HIVEP3: variants seen among roughly 807,000 people sequenced by gnomAD.
HIVEP3 encodes the protein transcription factor HIVEP3.
A neutral mutation model predicts 152.8 loss-of-function variants in HIVEP3; 49 were observed. The observed-to-expected ratio is 0.32, with a 90% CI of 0.26 to 0.41. The LOEUF (loss-of-function observed/expected upper bound fraction) is 0.41, where lower values mean the gene tolerates loss of function less well. HIVEP3 is among the 10% of genes least tolerant of loss of function. The pLI is 1.00. For missense variants in HIVEP3, 2,790 were observed against 3,103.3 expected (o/e 0.90, Z 2.40); for synonymous variants, 1,269 against 1,289.0 (o/e 0.98, Z 0.33).
chr1:41,638,046 G>A (rs1236607574), intron 2 of HIVEP3, among the ~76,000 whole-genome samples: 1 of 152,146 alleles, frequency 6.6e-6, no homozygotes, highest in Non-Finnish European at 1.5e-5. Context: ...GACGCTGGAG[G>A]CTCTGAAGTT....
intron 1 of HIVEP3, among the ~76,000 whole-genome samples, chr1:41,800,222 G>A (rs1650224616): frequency 6.6e-6 from 1 of 152,220 alleles, no homozygotes; most frequent in African/African-American, 2.4e-5. Context: ...CCTTTCATCA[G>A]GGGTGGAGTC....
chr1:41,694,461 G>C (rs938118895), intron 2 of HIVEP3, among the ~76,000 whole-genome samples: 2 of 152,212 alleles, frequency 1.3e-5, no homozygotes, highest in African/African-American at 4.8e-5. Flanking sequence ...GTGAATGAAT[G>C]AATGAACAAG....
chr1:41,517,545 A>G (rs1392214812), intron 7 of HIVEP3, among the ~76,000 whole-genome samples: 1 of 150,352 alleles, frequency 6.7e-6, no homozygotes, highest in Non-Finnish European at 1.5e-5. Context: ...CAAGACACAC[A>G]GTGCGTGCAT....
At chr1:41,935,092 C>T (rs1645013467) in intron 1 of HIVEP3, among the ~76,000 whole-genome samples, 1 of 152,032 alleles carries the variant, frequency 6.6e-6, no homozygotes, top group African/African-American at 2.4e-5. Flanking sequence ...TAATCATTAA[C>T]TACTCCATAT....
At chr1:41,595,980 G>C (rs910292065) in intron 3 of HIVEP3, among the ~76,000 whole-genome samples, 4 of 152,018 alleles carry the variant, frequency 2.6e-5, no homozygotes, top group African/African-American at 9.7e-5. Flanking sequence ...TAGTAGTTCT[G>C]TCCCTCTAGA....
At chr1:41,719,406 A>T (rs899201830) in intron 1 of HIVEP3, among the ~76,000 whole-genome samples, 18 of 152,222 alleles carry the variant, frequency 1.2e-4, no homozygotes, top group Non-Finnish European at 1.0e-4. Flanking sequence ...AACAATGGTC[A>T]TTCCTTCATT....
At chr1:41,736,150 G>A (rs533373120) in intron 1 of HIVEP3, among the ~76,000 whole-genome samples, 2 of 152,238 alleles carry the variant, frequency 1.3e-5, no homozygotes, top group Admixed American at 1.3e-4. Flanking sequence ...ACTTAGGAAG[G>A]AATCTCGAGA....
intron 5 of HIVEP3, among the ~76,000 whole-genome samples, chr1:41,568,470 C>T (rs12132410): frequency 0.18 from 27,988 of 152,230 alleles, 3,116 homozygotes; most frequent in Non-Finnish European, 0.27. Context: ...CATGCAGGCC[C>T]GTGAGGGCTT....
intron 3 of HIVEP3, among the ~76,000 whole-genome samples, chr1:41,591,291 C>T (rs1007150170): frequency 6.6e-6 from 1 of 151,974 alleles, no homozygotes; most frequent in Non-Finnish European, 1.5e-5. Flanking sequence ...AGCAGGGCCC[C>T]CACAGAAACC....
chr1:41,829,979 A>C (rs1642915154), intron 1 of HIVEP3, among the ~76,000 whole-genome samples: 1 of 152,252 alleles, frequency 6.6e-6, no homozygotes, highest in South Asian at 2.1e-4. Context: ...TTCCCAGAAA[A>C]AGCTAATCAA....
At chr1:41,852,849 T>TTG (rs1643642538) in intron 1 of HIVEP3, among the ~76,000 whole-genome samples, 2 of 152,222 alleles carry the variant, frequency 1.3e-5, no homozygotes, top group Admixed American at 6.5e-5. Flanking sequence ...TTCCAAGAGT[T>TTG]CAGTTCACTC....
chr1:41,828,954 T>C (rs1642880983), intron 1 of HIVEP3, among the ~76,000 whole-genome samples: 1 of 152,228 alleles, frequency 6.6e-6, no homozygotes, highest in Non-Finnish European at 1.5e-5. Context: ...TAAAAATCTG[T>C]AATTCTGGCC....
chr1:41,842,339 C>T lies in HIVEP3; in HGVS notation c.-801+76074G>A, dbSNP rs180805978. Among the ~76,000 whole-genome samples, 683 of 152,250 alleles carry T rather than the reference C, an allele frequency of 4.5e-3. 5 individuals are homozygous for T. The highest frequency in any genetic ancestry group is 7.5e-3 in the Non-Finnish European group (509 of 68,018). ...AGATTGAGCCTGAATCCCCCATTGG[C>T]ACTAAAAACAGGACCCACAAAGGAG... On this transcript the variant is annotated intron_variant, in intron 1 of 8. Transcript: ENST00000372583.
intron 1 of HIVEP3, among the ~76,000 whole-genome samples, chr1:41,716,133 A>C (rs1646589650): frequency 6.6e-6 from 1 of 152,250 alleles, no homozygotes; most frequent in South Asian, 2.1e-4. Context: ...TGCTGAGGGC[A>C]AGTCTTAGCC....
At chr1:41,739,949 A>C (rs903582367) in intron 1 of HIVEP3, among the ~76,000 whole-genome samples, 2 of 152,320 alleles carry the variant, frequency 1.3e-5, no homozygotes, top group Non-Finnish European at 2.9e-5. Context: ...CCTAGCACCC[A>C]GCCACAAACA....
At chr1:41,561,519 CT>C (rs35615986) in intron 5 of HIVEP3, among the ~76,000 whole-genome samples, 38,634 of 146,638 alleles carry the variant, frequency 0.26, 5,095 homozygotes, top group East Asian at 0.47. Flanking sequence ...CCATATGTCA[CT>C]TTTTTTTTTT....
At chr1:41,566,228 G>C (rs1644160302) in intron 5 of HIVEP3, among the ~76,000 whole-genome samples, 1 of 152,120 alleles carries the variant, frequency 6.6e-6, no homozygotes, top group African/African-American at 2.4e-5. Flanking sequence ...ATGCATGGTG[G>C]GTGAAGACCT....
At chr1:41,904,802 C>T (rs1471290835) in intron 1 of HIVEP3, among the ~76,000 whole-genome samples, 1 of 152,220 alleles carries the variant, frequency 6.6e-6, no homozygotes, top group Non-Finnish European at 1.5e-5. Context: ...GGATTAAGGG[C>T]TGTGAGGTTA....
rs1462685553 is a variant in HIVEP3, at chr1:41,596,341, C to A, written c.-521-11023G>T. Among the ~76,000 whole-genome samples, 6 of 152,326 alleles carry A rather than the reference C, an allele frequency of 3.9e-5. No homozygotes were observed. The South Asian group carries it at 8.3e-4, about 21-fold the overall frequency. On this transcript the variant is annotated intron_variant, in intron 3 of 8. Coordinates refer to ENST00000372583, the MANE Select transcript of HIVEP3 (RefSeq NM_024503.5). ...GTGACCAGCCCCTCATACCCTCTGA[C>A]CTGGATTCATTCATGGAAAACAGGC... is the stretch of plus-strand genomic sequence containing the variant.
Sources: gnomAD v4.1 joint callset for allele counts (sites outside exome capture counted in the v4.1 genomes callset) on GRCh38, gnomAD v4.1.1 for gene constraint, MANE v1.5 for transcripts, NCBI Gene and HGNC (gene_info 2026-07-23, HGNC 2026-07-21) for gene names.